The following ARSG variants were observed in gnomAD, a reference collection of about 807,000 sequenced individuals.
ARSG encodes the protein ASG.
A neutral mutation model predicts 50.5 loss-of-function variants in ARSG; 37 were observed. The ratio of observed to expected loss-of-function variants is 0.73; its 90% CI spans 0.56 to 0.96. ARSG has a LOEUF of 0.96. ARSG is among the 50% of genes least tolerant of loss of function. The probability of loss-of-function intolerance (pLI) is 0.00; values close to 1 mark genes in which losing one functional copy is unlikely to be tolerated. For missense variants in ARSG, 629 were observed against 675.3 expected (o/e 0.93, Z 0.76); for synonymous variants, 225 against 254.6 (o/e 0.88, Z 1.11).
chr17:68,437,242 CA>C, the ARSG span, among the ~76,000 whole-genome samples: 1 of 151,896 alleles, frequency 6.6e-6, no homozygotes, highest in Non-Finnish European at 1.5e-5. Context: ...GAGGAGCTGC[CA>C]AGAACCTATT....
At chr17:68,360,222 GTC>G (rs2079219036) in intron 6 of ARSG, among the ~76,000 whole-genome samples, 1 of 152,228 alleles carries the variant, frequency 6.6e-6, no homozygotes, top group Non-Finnish European at 1.5e-5. Flanking sequence ...AAAGTCCCGA[GTC>G]CTGTTGGCAT....
rs2082720329 is a variant in ARSG, at chr17:68,420,764, G to C, written c.*301G>C. On this transcript the variant is annotated 3_prime_UTR_variant, in exon 12 of 12. Coordinates refer to ENST00000621439, the MANE Select transcript of ARSG (RefSeq NM_001267727.2). ...GGCAATTGTTTAACCTAACCTGCAA[G>C]TTGATTTTGAGGGTTAAATAAAGGC... 2.7e-6 allele frequency: 1 copy of C among 376,512 alleles called. No individual in the cohort carries two copies. Among genetic ancestry groups the C allele is most frequent in the Admixed American group, 4.3e-5 (1 of 23,400 alleles). The allele number at this position is 376,512 out of a possible 1,614,324, so 23.3% of individuals were successfully genotyped here.
intron 8 of ARSG, among the ~76,000 whole-genome samples, chr17:68,372,014 A>G (rs1405803491): frequency 6.6e-6 from 1 of 152,196 alleles, no homozygotes; most frequent in East Asian, 1.9e-4. Context: ...GGAGAGTTGA[A>G]GGGGTGAATT....
chr17:68,435,106 C>G, the ARSG span, among the ~76,000 whole-genome samples: 1 of 151,720 alleles, frequency 6.6e-6, no homozygotes, highest in Non-Finnish European at 1.5e-5. Flanking sequence ...ACTCGGGAGG[C>G]TGAGGCAGGA....
At chr17:68,291,214 A>T (rs2075973696), upstream of ARSG, 1 of 149,378 alleles carries the variant, frequency 6.7e-6, no homozygotes, top group South Asian at 2.2e-4. Flanking sequence ...GCCCGACTCT[A>T]GCGCAAGTTG....
At chr17:68,310,668 G>A (rs998370351) in intron 2 of ARSG, among the ~76,000 whole-genome samples, 4 of 152,266 alleles carry the variant, frequency 2.6e-5, no homozygotes, top group South Asian at 2.1e-4. Flanking sequence ...TCAGCTCACC[G>A]CTTAGGATGA....
chr17:68,398,302 C>A (rs1001703970), intron 10 of ARSG, among the ~76,000 whole-genome samples: 2 of 152,112 alleles, frequency 1.3e-5, no homozygotes, highest in African/African-American at 4.8e-5. Flanking sequence ...CACATGCATG[C>A]ACACACATAC....
intron 1 of ARSG, chr17:68,283,006 C>T (rs1043995335): frequency 6.6e-6 from 1 of 152,218 alleles, no homozygotes; most frequent in Admixed American, 6.6e-5. Flanking sequence ...CCTGTAGTCC[C>T]AGCCACTTGG....
chr17:68,426,778 G>A (rs1299378419), downstream of ARSG, among the ~76,000 whole-genome samples: 2 of 152,122 alleles, frequency 1.3e-5, no homozygotes, highest in African/African-American at 4.8e-5. Flanking sequence ...CCAGTGATCC[G>A]CTGGCCTCAG....
intron 11 of ARSG, 106 bp downstream of exon 11, chr17:68,401,556 G>A: frequency 2.0e-6 from 2 of 1,019,628 alleles, no homozygotes; most frequent in Non-Finnish European, 2.9e-6. Context: ...CCTCCTTTGT[G>A]GGGGGTTCTC....
rs1432456574 is a variant in ARSG, at chr17:68,367,563, T to G, written c.705-985T>G. ...GCCACCGTTGTGATTCTGCAGCTGC[T>G]CTTGGCTGGGAGTAGGACTGGGACC... is the stretch of plus-strand genomic sequence containing the variant. On this transcript the variant is annotated intron_variant, in intron 6 of 11. Coordinates refer to ENST00000621439, the MANE Select transcript of ARSG (RefSeq NM_001267727.2). The surrounding 1 kb of genome is among the most constrained non-coding windows in gnomAD (Gnocchi z 4.5). 1.3e-5 allele frequency among the ~76,000 whole-genome samples: 2 copies of G among 152,148 alleles called. No individual in the cohort carries two copies.
At chr17:68,287,990 C>CTT (rs542264053), upstream of ARSG, among the ~76,000 whole-genome samples, 4 of 126,092 alleles carry the variant, frequency 3.2e-5, no homozygotes, top group Non-Finnish European at 5.2e-5. Flanking sequence ...TCCCTCCTTT[C>CTT]TTTTTTTTTT....
intron 2 of ARSG, among the ~76,000 whole-genome samples, chr17:68,312,394 G>A (rs1461812775): frequency 6.6e-6 from 1 of 152,184 alleles, no homozygotes; most frequent in Non-Finnish European, 1.5e-5. Flanking sequence ...ACATTTACCA[G>A]ATTCTCCAAA....
chr17:68,379,450 T>TTA (rs1555786784), intron 8 of ARSG, among the ~76,000 whole-genome samples: 2 of 143,234 alleles, frequency 1.4e-5, no homozygotes, highest in South Asian at 2.2e-4. Flanking sequence ...TTTTTTTTTT[T>TTA]ACAGAGATGG....
At chr17:68,368,398 C>T in intron 6 of ARSG, 150 bp from the exon 7 acceptor site, 2 of 665,576 alleles carry the variant, frequency 3.0e-6, no homozygotes, top group Non-Finnish European at 5.1e-6. Flanking sequence ...TTCACATTTC[C>T]TTGGAAGATT....
At chr17:68,398,190 A>G (rs1206282497) in intron 10 of ARSG, among the ~76,000 whole-genome samples, 1 of 152,216 alleles carries the variant, frequency 6.6e-6, no homozygotes, top group Non-Finnish European at 1.5e-5. Context: ...ACATGTTCGC[A>G]TATGCATGTG....
downstream of ARSG, among the ~76,000 whole-genome samples, chr17:68,425,220 T>C (rs1042902505): frequency 3.9e-5 from 6 of 152,166 alleles, no homozygotes; most frequent in African/African-American, 1.4e-4. Context: ...TCTTTTCTTT[T>C]TGAGATAGAG....
chr17:68,309,657 G>A (rs949129567), intron 2 of ARSG, among the ~76,000 whole-genome samples: 1 of 152,072 alleles, frequency 6.6e-6, no homozygotes, highest in African/African-American at 2.4e-5. Flanking sequence ...TCAAGAGTTC[G>A]AGACTAGCCT....
chr17:68,326,653 G>A lies in ARSG; in HGVS notation c.219-16951G>A, dbSNP rs551690145. On this transcript the variant is annotated intron_variant, in intron 2 of 11. Transcript: ENST00000621439. The stretch of plus-strand genomic sequence containing the variant: ...GCACTCCAGCCTGGGTGACAAGAGC[G>A]AAACTCCGTCTAAAAAACAAACAAA... Among the ~76,000 whole-genome samples the A allele has an allele frequency of 5.3e-4, 80 of 152,296 alleles. 1 individual carries two copies. The highest frequency in any genetic ancestry group is 1.2e-3 in the South Asian group (6 of 4,826).
Sources: allele counts gnomAD v4.1 joint callset (sites outside exome capture counted in the v4.1 genomes callset), GRCh38; gene constraint gnomAD v4.1.1; non-coding constraint Gnocchi (gnomAD v3.1); transcripts MANE v1.5; gene names NCBI Gene and HGNC (gene_info 2026-07-23, HGNC 2026-07-21).